Variants in EFNA5 observed in about 807,000 individuals in gnomAD.
EFNA5 encodes the protein ephrin A5.
A neutral mutation model predicts 22.9 loss-of-function variants in EFNA5; 5 were observed. The ratio of observed to expected loss-of-function variants is 0.22; its 90% CI spans 0.11 to 0.46. EFNA5 has a LOEUF of 0.46. Ranked by LOEUF, EFNA5 falls within the 20% of genes least tolerant of loss-of-function variation. The pLI is 0.99. For missense variants in EFNA5, 237 were observed against 293.3 expected (o/e 0.81, Z 1.40); for synonymous variants, 113 against 112.2 (o/e 1.01, Z -0.04).
chr5:107,480,854 G>C lies in EFNA5; in HGVS notation c.126-53345C>G, dbSNP rs532736841. Among the ~76,000 whole-genome samples the C allele has an allele frequency of 1.3e-3, 196 of 152,280 alleles. 1 individual carries two copies. Among genetic ancestry groups the C allele is most frequent in the African/African-American group, 4.6e-3 (192 of 41,546 alleles). ...GGGGACAAACAGGTCTCAAAGGGTG[G>C]GTGACTGCCTAGAAATGAGCAGAAG... On this transcript the variant is annotated intron_variant, in intron 1 of 4. Coordinates refer to ENST00000333274, the MANE Select transcript of EFNA5 (RefSeq NM_001962.3).
intron 1 of EFNA5, among the ~76,000 whole-genome samples, chr5:107,564,975 G>A (rs1461035017): frequency 6.6e-6 from 1 of 152,070 alleles, no homozygotes; most frequent in African/African-American, 2.4e-5. Context: ...CCTTTTCAGG[G>A]ATTTGTGCTA....
chr5:107,459,375 T>C (rs1179103547), intron 1 of EFNA5, among the ~76,000 whole-genome samples: 3 of 91,478 alleles, frequency 3.3e-5, no homozygotes, highest in Non-Finnish European at 2.2e-5. Flanking sequence ...TTGGAACACA[T>C]GAAAAAAAAA....
At chr5:107,629,571 T>A (rs1441705139) in intron 1 of EFNA5, among the ~76,000 whole-genome samples, 1 of 152,128 alleles carries the variant, frequency 6.6e-6, no homozygotes, top group East Asian at 1.9e-4. Flanking sequence ...GTGAGGGATG[T>A]TGATAATGGG....
intron 1 of EFNA5, among the ~76,000 whole-genome samples, chr5:107,514,879 A>T (rs1284355557): frequency 6.6e-6 from 1 of 152,188 alleles, no homozygotes; most frequent in Non-Finnish European, 1.5e-5. Flanking sequence ...TAGCAAGGGC[A>T]TGGGAGTCCT....
At chr5:107,564,798 C>T (rs1748629012) in intron 1 of EFNA5, among the ~76,000 whole-genome samples, 1 of 152,022 alleles carries the variant, frequency 6.6e-6, no homozygotes, top group Non-Finnish European at 1.5e-5. Context: ...AAATGTCAAA[C>T]ATTAAATTAT....
At chr5:107,622,613 A>G (rs910094965) in intron 1 of EFNA5, among the ~76,000 whole-genome samples, 9 of 152,150 alleles carry the variant, frequency 5.9e-5, no homozygotes, top group African/African-American at 9.7e-5. Context: ...CGGTTTACCT[A>G]CGTTCTCTAA....
intron 1 of EFNA5, among the ~76,000 whole-genome samples, chr5:107,465,570 G>A (rs1420695753): frequency 1.3e-5 from 2 of 152,102 alleles, no homozygotes; most frequent in African/African-American, 4.8e-5. Flanking sequence ...GTTAGCTTCT[G>A]AGAACTTAAG....
At chr5:107,591,318 A>C (rs776112012) in intron 1 of EFNA5, among the ~76,000 whole-genome samples, 1 of 152,176 alleles carries the variant, frequency 6.6e-6, no homozygotes, top group Non-Finnish European at 1.5e-5. Flanking sequence ...AACACTGTCC[A>C]TATTAACATT....
chr5:107,552,101 C>T (rs188213788), intron 1 of EFNA5, among the ~76,000 whole-genome samples: 26 of 152,088 alleles, frequency 1.7e-4, no homozygotes, highest in Non-Finnish European at 3.2e-4. Context: ...AAAATTCTGG[C>T]GTTAGCAGAG....
At chr5:107,441,087 G>T (rs1408012567) in intron 1 of EFNA5, among the ~76,000 whole-genome samples, 1 of 151,324 alleles carries the variant, frequency 6.6e-6, no homozygotes, top group Admixed American at 6.6e-5. Flanking sequence ...TAAAGGCATA[G>T]GGTAAACAGG....
intron 1 of EFNA5, among the ~76,000 whole-genome samples, chr5:107,544,600 A>G (rs1341075995): frequency 6.6e-6 from 1 of 152,220 alleles, no homozygotes; most frequent in Admixed American, 6.5e-5. Context: ...TTATCTTCAG[A>G]GCCAACATAA....
At chr5:107,478,788 C>A (rs1750378267) in intron 1 of EFNA5, among the ~76,000 whole-genome samples, 1 of 152,136 alleles carries the variant, frequency 6.6e-6, no homozygotes, top group African/African-American at 2.4e-5. Context: ...TGATTATTTT[C>A]ATGCTTCTAT....
At chr5:107,667,328 G>C (rs970773810) in intron 1 of EFNA5, among the ~76,000 whole-genome samples, 1 of 152,042 alleles carries the variant, frequency 6.6e-6, no homozygotes, top group African/African-American at 2.4e-5. Flanking sequence ...CCACTTCTCA[G>C]AAGTGAATAC....
At chr5:107,526,247 G>A (rs1747694145) in intron 1 of EFNA5, among the ~76,000 whole-genome samples, 1 of 152,196 alleles carries the variant, frequency 6.6e-6, no homozygotes, top group African/African-American at 2.4e-5. Flanking sequence ...TGACAACATT[G>A]CTTCTTGCAA....
chr5:107,556,288 T>C (rs1222983239), intron 1 of EFNA5, among the ~76,000 whole-genome samples: 9 of 151,340 alleles, frequency 5.9e-5, no homozygotes, highest in Admixed American at 4.6e-4. Context: ...TGAGCTGTTA[T>C]ATGTACACAT....
Position 107,380,373 on chromosome 5 carries a change from T to TAAAAAAAAAAAAAA in EFNA5, c.*881_*882insTTTTTTTTTTTTTT, listed in dbSNP as rs1747407184. 4 of 41,586 alleles carry TAAAAAAAAAAAAAA rather than the reference T, an allele frequency of 9.6e-5. 2 individuals are homozygous for TAAAAAAAAAAAAAA. Among genetic ancestry groups the TAAAAAAAAAAAAAA allele is most frequent in the African/African-American group, 1.8e-4 (2 of 11,214 alleles). 2.6% of individuals were successfully genotyped at this position (41,586 alleles called of 1,614,324 possible). A position where few individuals can be genotyped will look rare whatever the true frequency, so the allele number is the denominator to read the frequency against. The stretch of plus-strand genomic sequence containing the variant: ...TCATAAAAATGCCTCTTTGAGTTTC[T>TAAAAAAAAAAAAAA]TAAAAAAAAAAAAAAAAAAAAAAAA... On this transcript the variant is annotated 3_prime_UTR_variant, in exon 5 of 5. Coordinates refer to ENST00000333274, the MANE Select transcript of EFNA5 (RefSeq NM_001962.3).
chr5:107,597,637 G>T (rs1449673775), intron 1 of EFNA5, among the ~76,000 whole-genome samples: 1 of 152,070 alleles, frequency 6.6e-6, no homozygotes, highest in African/African-American at 2.4e-5. Flanking sequence ...AAAAAGTGTA[G>T]AAAAAGGAAT....
intron 1 of EFNA5, among the ~76,000 whole-genome samples, chr5:107,440,561 G>A (rs564390594): frequency 6.6e-6 from 1 of 152,254 alleles, no homozygotes; most frequent in African/African-American, 2.4e-5. Flanking sequence ...GATGATAATG[G>A]GCACTCCATA....
At chr5:107,614,209 C>T (rs1749871691) in intron 1 of EFNA5, among the ~76,000 whole-genome samples, 5 of 152,032 alleles carry the variant, frequency 3.3e-5, no homozygotes, top group Admixed American at 3.3e-4. Context: ...AGTCTCTTCC[C>T]CAGGCATAAG....
Sources: gnomAD v4.1 joint callset for allele counts (sites outside exome capture counted in the v4.1 genomes callset) on GRCh38, gnomAD v4.1.1 for gene constraint, MANE v1.5 for transcripts, NCBI Gene and HGNC (gene_info 2026-07-23, HGNC 2026-07-21) for gene names.